The following IQSEC1 variants were observed in gnomAD, a reference collection of about 807,000 sequenced individuals.
The protein encoded by IQSEC1 is IQ motif and SEC7 domain-containing protein 1.
A neutral mutation model predicts 91.0 loss-of-function variants in IQSEC1; 31 were observed. That is an observed-to-expected ratio of 0.34 (90% CI 0.26 to 0.46). The LOEUF (loss-of-function observed/expected upper bound fraction) is 0.46, where lower values mean the gene tolerates loss of function less well. Among genes scored for constraint, IQSEC1 ranks in the 20% least tolerant of loss-of-function variants. The probability of loss-of-function intolerance (pLI) is 1.00; values close to 1 mark genes in which losing one functional copy is unlikely to be tolerated. For synonymous variants in IQSEC1, 699 were observed against 662.6 expected, an observed-to-expected ratio of 1.05 and a Z score of -0.84; for missense variants, 1,388 against 1,575.6, an observed-to-expected ratio of 0.88 and a Z score of 2.02.
chr3:12,958,622 G>C (rs1468054069), intron 1 of IQSEC1, among the ~76,000 whole-genome samples: 2 of 152,226 alleles, frequency 1.3e-5, no homozygotes, highest in Admixed American at 6.5e-5. Flanking sequence ...TGGCCAAAGA[G>C]GAAGAGGTCT....
At chr3:13,159,538 G>C (rs1465005932) in intron 2 of IQSEC1, among the ~76,000 whole-genome samples, 1 of 152,194 alleles carries the variant, frequency 6.6e-6, no homozygotes, top group Non-Finnish European at 1.5e-5. Context: ...ACACTGACTT[G>C]CGAAGGCTTT....
chr3:13,087,622 G>A (rs1210107906), intron 2 of IQSEC1, among the ~76,000 whole-genome samples: 1 of 152,202 alleles, frequency 6.6e-6, no homozygotes, highest in Non-Finnish European at 1.5e-5. Context: ...ATTTGAAAGG[G>A]AGTTTTTCTT....
At chr3:13,092,571 C>A (rs1451672183) in intron 2 of IQSEC1, among the ~76,000 whole-genome samples, 4 of 152,040 alleles carry the variant, frequency 2.6e-5, no homozygotes, top group Non-Finnish European at 5.9e-5. Flanking sequence ...AGGAGCAGCG[C>A]GTGCCTGGGT....
chr3:13,239,561 G>A (rs1053075734), intron 1 of IQSEC1, among the ~76,000 whole-genome samples: 1 of 152,262 alleles, frequency 6.6e-6, no homozygotes, highest in Non-Finnish European at 1.5e-5. Context: ...TTGGGGCAGC[G>A]TTCACCAAAG....
intron 1 of IQSEC1, among the ~76,000 whole-genome samples, chr3:12,943,347 C>T (rs1033444467): frequency 2.6e-4 from 39 of 152,230 alleles, no homozygotes; most frequent in Admixed American, 1.4e-3. Flanking sequence ...ACTCGGAACT[C>T]GCAAGCCTTT....
chr3:12,934,079 A>C (rs1283811491), intron 3 of IQSEC1, among the ~76,000 whole-genome samples: 1 of 152,162 alleles, frequency 6.6e-6, no homozygotes, highest in African/African-American at 2.4e-5. Flanking sequence ...GTGGGGACAG[A>C]CTTCAGGGAC....
intron 1 of IQSEC1, among the ~76,000 whole-genome samples, chr3:13,007,950 G>A (rs1385429489): frequency 1.3e-5 from 2 of 152,144 alleles, no homozygotes; most frequent in African/African-American, 4.8e-5. Context: ...TCCTGTGGGA[G>A]GAGAGCTTGG....
At chr3:13,121,121 G>A (rs1233881534) in intron 2 of IQSEC1, among the ~76,000 whole-genome samples, 1 of 152,192 alleles carries the variant, frequency 6.6e-6, no homozygotes, top group Non-Finnish European at 1.5e-5. Flanking sequence ...GCTGCCCTAT[G>A]CTGTACCTGC....
chr3:13,161,390 C>T (rs1031691286), intron 2 of IQSEC1, among the ~76,000 whole-genome samples: 3 of 152,214 alleles, frequency 2.0e-5, no homozygotes, highest in African/African-American at 7.2e-5. Flanking sequence ...GAGAGAACTG[C>T]AGTCAGGATC....
At chr3:13,124,713 C>G (rs1056165381) in intron 2 of IQSEC1, among the ~76,000 whole-genome samples, 2 of 152,250 alleles carry the variant, frequency 1.3e-5, no homozygotes, top group South Asian at 2.1e-4. Context: ...GGCTCGGGGG[C>G]CCCGCCCATC....
At chr3:13,149,713 C>T (rs1228139718) in intron 2 of IQSEC1, among the ~76,000 whole-genome samples, 1 of 152,012 alleles carries the variant, frequency 6.6e-6, no homozygotes, top group African/African-American at 2.4e-5. Flanking sequence ...AGCTCCGCCT[C>T]CCCCAACCCC....
chr3:13,217,888 G>A (rs988947378), intron 1 of IQSEC1, among the ~76,000 whole-genome samples: 3 of 152,162 alleles, frequency 2.0e-5, no homozygotes, highest in Non-Finnish European at 4.4e-5. Context: ...ATCCCTGAAA[G>A]AGGCCCAGAC....
intron 2 of IQSEC1, among the ~76,000 whole-genome samples, chr3:13,127,942 T>C (rs528592862): frequency 6.6e-6 from 1 of 152,380 alleles, no homozygotes; most frequent in East Asian, 1.9e-4. Context: ...GTATGTGTTT[T>C]AAATTTTGAT....
At chr3:13,269,330 C>T (rs189148637) in intron 1 of IQSEC1, among the ~76,000 whole-genome samples, 8 of 152,326 alleles carry the variant, frequency 5.3e-5, no homozygotes, top group East Asian at 1.9e-4. Context: ...CCATCCACAT[C>T]GCACTGCAGG....
chr3:13,081,648 T>G (rs2125128899), intron 2 of IQSEC1, among the ~76,000 whole-genome samples: 1 of 152,340 alleles, frequency 6.6e-6, no homozygotes, highest in East Asian at 1.9e-4. Context: ...TACAAAAATT[T>G]TTCAGTCATC....
intron 1 of IQSEC1, among the ~76,000 whole-genome samples, chr3:13,212,255 C>T (rs968260631): frequency 6.6e-6 from 1 of 152,214 alleles, no homozygotes; most frequent in Non-Finnish European, 1.5e-5. Context: ...CTATTCTGGA[C>T]ATTTCATATA....
At chr3:13,093,897 C>T (rs544344134) in intron 2 of IQSEC1, among the ~76,000 whole-genome samples, 16 of 152,332 alleles carry the variant, frequency 1.1e-4, no homozygotes, top group African/African-American at 2.6e-4. Flanking sequence ...ATAAATCCCT[C>T]TGTTCTTCAT....
At chr3:13,046,554 CT>C (rs1704502732) in intron 1 of IQSEC1, among the ~76,000 whole-genome samples, 1 of 152,232 alleles carries the variant, frequency 6.6e-6, no homozygotes, top group African/African-American at 2.4e-5. Context: ...GGCCTACGAC[CT>C]TGTGAGTCTC....
intron 2 of IQSEC1, among the ~76,000 whole-genome samples, chr3:13,118,439 C>T (rs552850555): frequency 1.2e-4 from 19 of 152,238 alleles, no homozygotes; most frequent in African/African-American, 4.3e-4. Flanking sequence ...AACGGATAGA[C>T]AAATTTCGTC....
Sources: allele counts gnomAD v4.1 joint callset (sites outside exome capture counted in the v4.1 genomes callset), GRCh38; gene constraint gnomAD v4.1.1; transcripts MANE v1.5; gene names NCBI Gene and HGNC (gene_info 2026-07-23, HGNC 2026-07-21).